The following RBM46 variants were observed in gnomAD, a reference collection of about 807,000 sequenced individuals.
The protein encoded by RBM46 is RNA binding motif protein 46, also known as probable RNA-binding protein 46.
RBM46 carries 12 observed loss-of-function variants against 43.3 expected under a neutral mutation model. That is an observed-to-expected ratio of 0.28 (90% CI 0.18 to 0.45). The LOEUF is 0.45. Ranked by LOEUF, RBM46 falls within the 20% of genes least tolerant of loss-of-function variation. The probability of loss-of-function intolerance (pLI) is 1.00; values close to 1 mark genes in which losing one functional copy is unlikely to be tolerated. For missense variants in RBM46, 412 were observed against 639.1 expected (o/e 0.64, Z 3.83); for synonymous variants, 205 against 207.6 (o/e 0.99, Z 0.11).
intron 4 of RBM46, among the ~76,000 whole-genome samples, chr4:154,813,512 A>G (rs1346830457): frequency 1.3e-5 from 2 of 152,070 alleles, no homozygotes; most frequent in Non-Finnish European, 2.9e-5. Flanking sequence ...GTTTATATCA[A>G]CCAAATACAG....
At chr4:154,826,725 G>A in intron 4 of RBM46, 1 of 1,193,984 alleles carries the variant, frequency 8.4e-7, no homozygotes, top group Non-Finnish European at 1.2e-6. Context: ...ATATTTAACT[G>A]ATTTTCATTT....
intron 4 of RBM46, among the ~76,000 whole-genome samples, chr4:154,822,501 G>A (rs1443276356): frequency 1.3e-5 from 2 of 151,134 alleles, no homozygotes; most frequent in Non-Finnish European, 3.0e-5. Context: ...ATGCTTATAT[G>A]ATATTTTAAT....
intron 4 of RBM46, among the ~76,000 whole-genome samples, chr4:154,809,125 TCTCA>T (rs1735055650): frequency 6.6e-6 from 1 of 152,254 alleles, no homozygotes; most frequent in East Asian, 1.9e-4. Context: ...CTCTTCTATT[TCTCA>T]CTAATATACT....
intron 1 of RBM46, among the ~76,000 whole-genome samples, chr4:154,786,589 T>C (rs1382722357): frequency 6.6e-6 from 1 of 151,898 alleles, no homozygotes; most frequent in Admixed American, 6.6e-5. Context: ...CTTTCTGCTG[T>C]TTAATAAATG....
chr4:154,823,123 A>T lies in RBM46; in HGVS notation c.1403-4745A>T, dbSNP rs156565. On this transcript the variant is annotated intron_variant, in intron 4 of 4. Transcript: ENST00000281722. ...AAGGGATGAAGTTCTGATACATGCTACAACATGTATGAGCCTTGAAAGCAT... is the reference window on the plus strand; with the variant it reads ...AAGGGATGAAGTTCTGATACATGCTTCAACATGTATGAGCCTTGAAAGCAT... 3.3e-3 allele frequency among the ~76,000 whole-genome samples: 502 copies of T among 152,002 alleles called. 9 individuals are homozygous for T. Among genetic ancestry groups the T allele is most frequent in the African/African-American group, 0.011 (470 of 41,546 alleles).
At position 154,821,395 on chromosome 4, in the gene RBM46, C is replaced by CT. The variant is rs200837030; in HGVS notation, c.1403-6464dup. 6.6e-3 allele frequency among the ~76,000 whole-genome samples: 1,001 copies of CT among 150,862 alleles called. 6 individuals carry two copies. The highest frequency in any genetic ancestry group is 0.023 in the African/African-American group (956 of 41,296). On this transcript the variant is annotated intron_variant, in intron 4 of 4. Transcript: ENST00000281722. ...ACATGGTTTATTTAGTGAGCTACAA[C>CT]TTTTTTTTTAACCTATACTGAAGCC...
chr4:154,783,934 A>G (rs1292287076), intron 1 of RBM46, among the ~76,000 whole-genome samples: 1 of 152,172 alleles, frequency 6.6e-6, no homozygotes, highest in Non-Finnish European at 1.5e-5. Flanking sequence ...CAAGAACGAG[A>G]AGTGTAGTGG....
At position 154,799,451 on chromosome 4, in the gene RBM46, T is replaced by C. The variant is rs768723440; in HGVS notation, c.1289T>C (p.Ile430Thr). 2.9e-5 allele frequency: 47 copies of C among 1,613,854 alleles called. No homozygotes were observed. The East Asian group carries it at 1.0e-3, about 36-fold the overall frequency. ...GGGAAAGTACTCTTGGTGTATAAGATAGTTATTCCTGCTATTGCAAATGGA... is the reference window on the plus strand; with the variant it reads ...GGGAAAGTACTCTTGGTGTATAAGACAGTTATTCCTGCTATTGCAAATGGA... Reference protein sequence around the residue: ...QDGKVLLVYKIVIPAIANGSQ... With the variant: ...QDGKVLLVYKTVIPAIANGSQ... The change falls in exon 4 of 5, where the codon ATA (isoleucine) becomes ACA (threonine). Residue 430 changes from isoleucine to threonine, a missense_variant. By Grantham distance (89) the Ile-to-Thr change is moderately conservative. This residue lies in a region of RBM46 where 149 missense variants were observed against 156.3 expected (regional missense o/e 0.95). Coordinates refer to ENST00000281722, the MANE Select transcript of RBM46 (RefSeq NM_144979.5).
chr4:154,799,597 T>C (rs1254779814), intron 4 of RBM46, 33 bp downstream of exon 4: 15 of 1,385,562 alleles, frequency 1.1e-5, no homozygotes, highest in Non-Finnish European at 1.4e-5. Flanking sequence ...TGATGTATAA[T>C]ATGAAATTAG....
chr4:154,822,139 G>A (rs951336003), intron 4 of RBM46, among the ~76,000 whole-genome samples: 1 of 151,706 alleles, frequency 6.6e-6, no homozygotes, highest in East Asian at 1.9e-4. Context: ...CATACTTAAA[G>A]TGTACAATTT....
At chr4:154,782,259 A>T (rs2111070724) in intron 1 of RBM46, among the ~76,000 whole-genome samples, 1 of 152,346 alleles carries the variant, frequency 6.6e-6, no homozygotes, top group African/African-American at 2.4e-5. Flanking sequence ...CCACAGAACC[A>T]GCGGCATTTA....
chr4:154,796,987 C>T, intron 2 of RBM46, 84 bp downstream of exon 2: 1 of 1,128,342 alleles, frequency 8.9e-7, no homozygotes, highest in Non-Finnish European at 1.3e-6. Flanking sequence ...GTATTCCAAA[C>T]AATAGCTCTC....
chr4:154,827,914 T>C lies in RBM46; in HGVS notation c.1449T>C (p.Ser483=). ...RSSINSLSPV[S]ATLSSGTPSV... ...CAATAAATAGTCTTTCCCCTGTTAG[T>C]GCTACCCTCTCTTCTGGGACTCCCA... Residue 483 remains serine (S), a synonymous_variant, in exon 5 of 5, where the codon AGT becomes AGC. Coordinates refer to ENST00000281722, the MANE Select transcript of RBM46 (RefSeq NM_144979.5). The C allele has an allele frequency of 1.2e-6, 2 of 1,614,026 alleles. No homozygotes were observed. The highest frequency in any genetic ancestry group is 1.7e-6 in the Non-Finnish European group (2 of 1,179,918).
intron 4 of RBM46, among the ~76,000 whole-genome samples, chr4:154,818,380 C>G (rs187996): frequency 0.032 from 4,914 of 152,216 alleles, 280 homozygotes; most frequent in African/African-American, 0.11. Flanking sequence ...TTTACTTCAG[C>G]CCTTTGCAGT....
intron 4 of RBM46, among the ~76,000 whole-genome samples, chr4:154,810,357 C>T (rs1735116880): frequency 6.6e-6 from 1 of 152,052 alleles, no homozygotes; most frequent in African/African-American, 2.4e-5. Flanking sequence ...TGCTTTTGGG[C>T]ACCACAATTT....
Position 154,799,384 on chromosome 4 carries a change from G to T in RBM46, c.1222G>T (p.Ala408Ser). Reference sequence around the variant, plus strand: ...TTATTACTGCAACAAAAATAACTGGGCACCACCAGAATATTATTTATATTC... The same window carrying T: ...TTATTACTGCAACAAAAATAACTGGTCACCACCAGAATATTATTTATATTC... The part of the protein sequence containing the change: ...LDYYCNKNNW[A>S]PPEYYLYSTT... The change falls in exon 4 of 5, where the codon GCA (alanine) becomes TCA (serine). Residue 408 changes from alanine to serine, a missense_variant. By Grantham distance (99) the Ala-to-Ser change is moderately conservative (BLOSUM62 1). Coordinates refer to ENST00000281722, the MANE Select transcript of RBM46 (RefSeq NM_144979.5). 6.2e-7 allele frequency: 1 copy of T among 1,614,006 alleles called. No individual in the cohort carries two copies. Among genetic ancestry groups the T allele is most frequent in the Non-Finnish European group, 8.5e-7 (1 of 1,179,980 alleles).
At chr4:154,826,666 G>C in intron 4 of RBM46, 1 of 697,450 alleles carries the variant, frequency 1.4e-6, no homozygotes. Context: ...TCATAAAAAG[G>C]TTATAAAATT....
At chr4:154,785,877 C>G (rs1304824811) in intron 1 of RBM46, among the ~76,000 whole-genome samples, 1 of 152,052 alleles carries the variant, frequency 6.6e-6, no homozygotes, top group South Asian at 2.1e-4. Flanking sequence ...GTTTTCTTGT[C>G]TACAGTATTG....
intron 1 of RBM46, among the ~76,000 whole-genome samples, chr4:154,786,067 A>G (rs952524001): frequency 6.6e-6 from 1 of 152,172 alleles, no homozygotes; most frequent in African/African-American, 2.4e-5. Flanking sequence ...AAAAGACTGA[A>G]AGTTGGTTGC....
Sources: allele counts gnomAD v4.1 joint callset (sites outside exome capture counted in the v4.1 genomes callset), GRCh38; gene constraint gnomAD v4.1.1; regional missense constraint gnomAD v4.1.1; transcripts MANE v1.5; gene names NCBI Gene and HGNC (gene_info 2026-07-23, HGNC 2026-07-21).